The following ITPK1 variants were observed in gnomAD, a reference collection of about 807,000 sequenced individuals.
The protein encoded by ITPK1 is inositol 1,3,4-trisphosphate 5/6-kinase.
ITPK1 carries 21 observed loss-of-function variants against 45.3 expected under a neutral mutation model. That is an observed-to-expected ratio of 0.46 (90% confidence interval 0.33 to 0.67). The LOEUF (loss-of-function observed/expected upper bound fraction) is 0.67. ITPK1 is among the 30% of genes least tolerant of loss of function. The probability of loss-of-function intolerance (pLI) is 0.02; values close to 1 mark genes in which losing one functional copy is unlikely to be tolerated. For synonymous variants in ITPK1, 258 were observed against 253.6 expected (o/e 1.02, Z -0.16); for missense variants, 474 against 573.5 (o/e 0.83, Z 1.77).
chr14:93,024,998 G>A (rs1888665569), intron 3 of ITPK1, among the ~76,000 whole-genome samples: 1 of 152,184 alleles, frequency 6.6e-6, no homozygotes, highest in East Asian at 1.9e-4. Flanking sequence ...GCACCCACAA[G>A]CACAGCGTCA....
Position 93,016,820 on chromosome 14 carries a change from A to C in ITPK1, c.121-19T>G, listed in dbSNP as rs757794705. 2.5e-6 allele frequency: 4 copies of C among 1,612,908 alleles called. No homozygotes were observed. Among genetic ancestry groups the C allele is most frequent in the Middle Eastern group, 3.3e-4 (2 of 6,058 alleles). ...GGTTCAGCTGTGAGGCAGGGAACAC[A>C]GACAAAAGCAACAACTTCAGCACCT... On this transcript the variant is annotated intron_variant, in intron 3 of 10. Coordinates refer to ENST00000267615, the MANE Select transcript of ITPK1 (RefSeq NM_014216.6). The surrounding 1 kb of genome is among the most constrained non-coding windows in gnomAD (Gnocchi z 5.0).
chr14:93,053,152 T>A (rs1009836047), intron 3 of ITPK1, among the ~76,000 whole-genome samples: 1 of 151,490 alleles, frequency 6.6e-6, no homozygotes, highest in East Asian at 1.9e-4. Flanking sequence ...AAATAAAAAA[T>A]AATAATAAAA....
intron 3 of ITPK1, among the ~76,000 whole-genome samples, chr14:93,058,775 G>A (rs1890343981): frequency 4.4e-5 from 1 of 22,826 alleles, no homozygotes; most frequent in East Asian, 1.0e-3. Flanking sequence ...TACGAGGGAG[G>A]GTGGAGGGGG....
chr14:93,003,636 C>T (rs1009520828), intron 4 of ITPK1, among the ~76,000 whole-genome samples: 13 of 152,184 alleles, frequency 8.5e-5, no homozygotes, highest in Non-Finnish European at 1.6e-4. Context: ...GCCTAGCTAC[C>T]CAGGGTGCCA....
Position 93,076,639 on chromosome 14 carries a change from A to G in ITPK1, c.96-20T>C. 2 of 1,614,050 alleles carry G rather than the reference A, an allele frequency of 1.2e-6. No homozygotes were observed. The highest frequency in any genetic ancestry group is 3.3e-5 in the Admixed American group (2 of 60,012). On this transcript the variant is annotated intron_variant, in intron 2 of 10. Coordinates refer to ENST00000267615, the MANE Select transcript of ITPK1 (RefSeq NM_014216.6). This position sits in a 1 kb window ranked among gnomAD's most constrained non-coding sequence, Gnocchi z 4.3. ...CGCTTCCTGTGGAGAAAAACAAAGA[A>G]AACAAGCGTTACTCCAGCAGGCTGG...
At chr14:93,059,488 G>T (rs1374730029) in intron 3 of ITPK1, among the ~76,000 whole-genome samples, 7 of 90,798 alleles carry the variant, frequency 7.7e-5, no homozygotes, top group African/African-American at 9.3e-5. Flanking sequence ...GAGGGGGTGC[G>T]GGTCTCAAGG....
At chr14:93,011,914 C>T (rs1887930944) in intron 4 of ITPK1, among the ~76,000 whole-genome samples, 1 of 149,168 alleles carries the variant, frequency 6.7e-6, no homozygotes, top group South Asian at 2.2e-4. Flanking sequence ...CCAAGCTGCA[C>T]AGCCTGGCAT....
intron 3 of ITPK1, among the ~76,000 whole-genome samples, chr14:93,051,852 T>C (rs1002695805): frequency 6.6e-6 from 1 of 152,224 alleles, no homozygotes; most frequent in Admixed American, 6.5e-5. Context: ...CACTCCCTAA[T>C]CCCTGCCACT....
chr14:93,007,553 G>A (rs1887685016), intron 4 of ITPK1, among the ~76,000 whole-genome samples: 1 of 152,178 alleles, frequency 6.6e-6, no homozygotes, highest in Non-Finnish European at 1.5e-5. Flanking sequence ...ACAGTTTGCG[G>A]TGGTGCTGCT....
At chr14:92,967,885 T>C (rs1250986150) in intron 5 of ITPK1, among the ~76,000 whole-genome samples, 2 of 152,114 alleles carry the variant, frequency 1.3e-5, no homozygotes, top group Non-Finnish European at 2.9e-5. Context: ...AAGAGATTAA[T>C]GGTTGACAGG....
At chr14:92,981,148 A>G (rs910530623) in intron 5 of ITPK1, among the ~76,000 whole-genome samples, 1 of 152,100 alleles carries the variant, frequency 6.6e-6, no homozygotes, top group African/African-American at 2.4e-5. Context: ...CTCATCCCAG[A>G]TAATAATGCC....
At chr14:93,028,518 G>A (rs1240456461) in intron 3 of ITPK1, among the ~76,000 whole-genome samples, 1 of 152,228 alleles carries the variant, frequency 6.6e-6, no homozygotes, top group Non-Finnish European at 1.5e-5. Context: ...GCAGCTGTGG[G>A]CAGACCTGGG....
intron 2 of ITPK1, among the ~76,000 whole-genome samples, chr14:93,106,626 G>A (rs746289558): frequency 3.3e-5 from 5 of 152,188 alleles, no homozygotes; most frequent in Non-Finnish European, 5.9e-5. Context: ...CAGCCACTGC[G>A]CCATAGTTCT....
intron 5 of ITPK1, among the ~76,000 whole-genome samples, chr14:92,981,282 G>A (rs1886215296): frequency 6.6e-6 from 1 of 152,156 alleles, no homozygotes; most frequent in South Asian, 2.1e-4. Context: ...GCCTCCCAAT[G>A]GCCTCCCTCT....
chr14:93,006,581 G>A (rs950995931), intron 4 of ITPK1, among the ~76,000 whole-genome samples: 3 of 152,106 alleles, frequency 2.0e-5, no homozygotes, highest in Non-Finnish European at 2.9e-5. Flanking sequence ...TGGTCACTTC[G>A]GGTCATCCTC....
chr14:93,019,706 C>T (rs2139863596), intron 3 of ITPK1, among the ~76,000 whole-genome samples: 1 of 152,300 alleles, frequency 6.6e-6, no homozygotes, highest in East Asian at 1.9e-4. Flanking sequence ...TCTCCCTCCA[C>T]TAGCTAGAAA....
At chr14:92,998,393 G>T (rs551795977) in intron 4 of ITPK1, among the ~76,000 whole-genome samples, 25 of 152,316 alleles carry the variant, frequency 1.6e-4, no homozygotes, top group African/African-American at 6.0e-4. Flanking sequence ...GATGCCTGGG[G>T]TGCAACACAA....
intron 5 of ITPK1, among the ~76,000 whole-genome samples, chr14:92,979,927 C>G (rs536962335): frequency 6.6e-6 from 1 of 151,866 alleles, no homozygotes; most frequent in Non-Finnish European, 1.5e-5. Context: ...ATTACAGGCG[C>G]ACATCACCAC....
At chr14:93,007,742 T>C (rs1887693693) in intron 4 of ITPK1, among the ~76,000 whole-genome samples, 1 of 152,192 alleles carries the variant, frequency 6.6e-6, no homozygotes, top group African/African-American at 2.4e-5. Flanking sequence ...CTGGCCTCTG[T>C]TCCACATGTC....
Sources: allele counts gnomAD v4.1 joint callset (sites outside exome capture counted in the v4.1 genomes callset), GRCh38; gene constraint gnomAD v4.1.1; non-coding constraint Gnocchi (gnomAD v3.1); transcripts MANE v1.5; gene names NCBI Gene and HGNC (gene_info 2026-07-23, HGNC 2026-07-21).